HEPACAM2: variants seen among roughly 807,000 people sequenced by gnomAD.
HEPACAM2 encodes HEPACAM family member 2, also known as mitotic kinetics regulator.
A neutral mutation model predicts 49.6 loss-of-function variants in HEPACAM2; 49 were observed. The observed-to-expected ratio is 0.99, with a 90% CI of 0.78 to 1.25. The LOEUF (loss-of-function observed/expected upper bound fraction) is 1.25. Ranked by LOEUF, HEPACAM2 falls within the 50% of genes most tolerant of loss-of-function variation. The pLI, the probability that HEPACAM2 is intolerant of heterozygous loss-of-function variation, is 0.00. For synonymous variants in HEPACAM2, 197 were observed against 202.9 expected (o/e 0.97, Z 0.25); for missense variants, 525 against 557.2 (o/e 0.94, Z 0.58).
chr7:93,197,104 C>G (rs1160156097), intron 7 of HEPACAM2, 137 bp downstream of exon 7: 3 of 520,310 alleles, frequency 5.8e-6, no homozygotes, highest in African/African-American at 4.0e-5. Flanking sequence ...AGTGAAGGCA[C>G]TAACTCAAAG....
rs1224255444 is a variant in HEPACAM2 at position 93,209,609 on chromosome 7, CT to C, written c.716-734del. On this transcript the variant is annotated intron_variant, in intron 3 of 9. Transcript: ENST00000394468. ...TTTGGCTACCCCCCACCACCCCACT[CT>C]TCCCCATCTCTAGTAACTACTATTC... Among the ~76,000 whole-genome samples, 4 of 152,004 alleles carry C rather than the reference CT, an allele frequency of 2.6e-5. No individual in the cohort carries two copies. The East Asian group carries it at 7.7e-4, about 29-fold the overall frequency.
At chr7:93,204,749 T>C (rs941743691) in intron 4 of HEPACAM2, among the ~76,000 whole-genome samples, 2 of 152,142 alleles carry the variant, frequency 1.3e-5, no homozygotes, top group African/African-American at 4.8e-5. Flanking sequence ...AAAGACCATA[T>C]GGTTTCACCA....
At chr7:93,202,575 C>T (rs1282487517) in intron 4 of HEPACAM2, among the ~76,000 whole-genome samples, 1 of 152,148 alleles carries the variant, frequency 6.6e-6, no homozygotes, top group Non-Finnish European at 1.5e-5. Context: ...AATAGCCAGA[C>T]TGCCATCACC....
chr7:93,220,418 G>A (rs1381648622), intron 1 of HEPACAM2, among the ~76,000 whole-genome samples: 1 of 152,208 alleles, frequency 6.6e-6, no homozygotes, highest in Admixed American at 6.5e-5. Context: ...GACACTTTGA[G>A]GGTGTCAGAA....
At chr7:93,226,026 T>G (rs1213125701) in intron 1 of HEPACAM2, 3 of 641,702 alleles carry the variant, frequency 4.7e-6, no homozygotes, top group Non-Finnish European at 7.7e-6. Flanking sequence ...TCATGGCCTA[T>G]TAGAATATTT....
chr7:93,192,108 C>T, intron 9 of HEPACAM2, 146 bp downstream of exon 9: 1 of 522,590 alleles, frequency 1.9e-6, no homozygotes, highest in Admixed American at 3.6e-5. Flanking sequence ...AAATTATGCT[C>T]AGGTGGGGAA....
chr7:93,199,847 A>C (rs1018716053), intron 4 of HEPACAM2, among the ~76,000 whole-genome samples: 4 of 152,078 alleles, frequency 2.6e-5, no homozygotes, highest in African/African-American at 9.7e-5. Context: ...TCTGAGTTTT[A>C]AAACATAGTA....
intron 9 of HEPACAM2, among the ~76,000 whole-genome samples, chr7:93,190,890 A>G (rs904162115): frequency 6.6e-6 from 1 of 152,010 alleles, no homozygotes; most frequent in South Asian, 2.1e-4. Context: ...GTTCTTAATA[A>G]CCTTAAAAGA....
Position 93,208,756 on chromosome 7 carries a change from G to A in HEPACAM2, c.836C>T (p.Thr279Ile), listed in dbSNP as rs774059888. 1 of 1,613,178 alleles carries A rather than the reference G, an allele frequency of 6.2e-7. No homozygotes were observed. Among genetic ancestry groups the A allele is most frequent in the Non-Finnish European group, 8.5e-7 (1 of 1,179,416 alleles). Reference sequence around the variant, plus strand: ...GTCAGTCCTCCTAATCCAGGAGTAGGTGTTGGGGGGATGAGAATCAGCAGA... The same window carrying A: ...GTCAGTCCTCCTAATCCAGGAGTAGATGTTGGGGGGATGAGAATCAGCAGA... ...DCSADSHPPN[T>I]YSWIRRTDNT... Residue 279 changes from threonine to isoleucine, a missense_variant, in exon 4 of 10, where the codon ACC becomes ATC. Thr to Ile is a moderately conservative substitution (Grantham distance 89). Transcript: ENST00000394468.
At chr7:93,199,087 T>G (rs1162054888) in intron 4 of HEPACAM2, among the ~76,000 whole-genome samples, 1 of 152,126 alleles carries the variant, frequency 6.6e-6, no homozygotes, top group Non-Finnish European at 1.5e-5. Flanking sequence ...TCGACAAGGT[T>G]GTTTTTCATT....
chr7:93,210,953 G>A (rs1794164733), intron 3 of HEPACAM2, among the ~76,000 whole-genome samples: 1 of 151,874 alleles, frequency 6.6e-6, no homozygotes, highest in African/African-American at 2.4e-5. Flanking sequence ...TTCTTGCCAT[G>A]CCATTAAAAG....
chr7:93,231,541 T>C, the HEPACAM2 span, among the ~76,000 whole-genome samples: 1 of 152,244 alleles, frequency 6.6e-6, no homozygotes, highest in Non-Finnish European at 1.5e-5. Context: ...TACTCGGCTT[T>C]CGATAAGTGT....
intron 8 of HEPACAM2, among the ~76,000 whole-genome samples, chr7:93,194,921 C>CTTTTTTTTTTTT (rs80158728): frequency 0.015 from 1,795 of 117,850 alleles, 157 homozygotes; most frequent in African/African-American, 0.041. Flanking sequence ...TTTAAAAGAT[C>CTTTTTTTTTTTT]TTTTTTTTTT....
At chr7:93,209,427 C>G (rs905688039) in intron 3 of HEPACAM2, among the ~76,000 whole-genome samples, 1 of 151,872 alleles carries the variant, frequency 6.6e-6, no homozygotes, top group African/African-American at 2.4e-5. Flanking sequence ...TTTATTATTT[C>G]CTTTTGTTGG....
At chr7:93,217,042 T>C (rs1354947389) in intron 2 of HEPACAM2, among the ~76,000 whole-genome samples, 1 of 152,140 alleles carries the variant, frequency 6.6e-6, no homozygotes, top group African/African-American at 2.4e-5. Context: ...ATAGCACTTT[T>C]CAAGAAGGGT....
At chr7:93,200,564 G>T (rs377474266) in intron 4 of HEPACAM2, among the ~76,000 whole-genome samples, 1 of 152,056 alleles carries the variant, frequency 6.6e-6, no homozygotes. Context: ...AAGTAAGATC[G>T]TTATTTACTC....
upstream of HEPACAM2, chr7:93,226,580 T>C (rs982462036): frequency 1.5e-6 from 1 of 655,960 alleles, no homozygotes; most frequent in Non-Finnish European, 2.7e-6. Context: ...TGAATGTGTA[T>C]ACAAAGGACA....
Position 93,206,226 on chromosome 7 carries a change from T to A in HEPACAM2, c.1012+2354A>T, listed in dbSNP as rs540079563. ...TGCTACTATTTTATGTGCTTAATTA[T>A]GGCTTGCTGTACAATTATGTCTTGG... On this transcript the variant is annotated intron_variant, in intron 4 of 9. Transcript: ENST00000394468. Among the ~76,000 whole-genome samples, 3 of 152,224 alleles carry A rather than the reference T, an allele frequency of 2.0e-5. No homozygotes were observed. In the East Asian group the frequency reaches 5.8e-4, roughly 29 times the overall value.
At chr7:93,214,545 A>G (rs1427883785) in intron 3 of HEPACAM2, among the ~76,000 whole-genome samples, 1 of 152,182 alleles carries the variant, frequency 6.6e-6, no homozygotes, top group Non-Finnish European at 1.5e-5. Context: ...GTCTGTCAGC[A>G]AAAGATAGAT....
Sources: gnomAD v4.1 joint callset for allele counts (sites outside exome capture counted in the v4.1 genomes callset) on GRCh38, gnomAD v4.1.1 for gene constraint, MANE v1.5 for transcripts, NCBI Gene and HGNC (gene_info 2026-07-23, HGNC 2026-07-21) for gene names.